The following SIM1 variants were observed in gnomAD, a reference collection of about 807,000 sequenced individuals.
The protein encoded by SIM1 is single-minded homolog 1.
In SIM1, 18 loss-of-function variants were observed where a neutral mutation model predicts 78.2. The observed-to-expected ratio is 0.23, with a 90% CI of 0.16 to 0.34. SIM1 has a LOEUF of 0.34. SIM1 is among the 10% of genes least tolerant of loss of function. The pLI, the probability that SIM1 is intolerant of heterozygous loss-of-function variation, is 1.00. For synonymous variants in SIM1, 417 were observed against 385.2 expected (o/e 1.08, Z -0.97); for missense variants, 939 against 975.1 (o/e 0.96, Z 0.49).
intron 10 of SIM1, among the ~76,000 whole-genome samples, chr6:100,397,649 T>C (rs1328806555): frequency 6.7e-6 from 1 of 149,652 alleles, no homozygotes; most frequent in Non-Finnish European, 1.5e-5. Context: ...AAAAACACAA[T>C]CCATAAAAGA....
chr6:100,405,645 T>C (rs1345154654), intron 10 of SIM1, among the ~76,000 whole-genome samples: 4 of 152,214 alleles, frequency 2.6e-5, no homozygotes, highest in Non-Finnish European at 5.9e-5. Context: ...TTCTCTGATA[T>C]ATTTCATGAA....
At chr6:100,421,295 T>C (rs1248324286) in intron 9 of SIM1, among the ~76,000 whole-genome samples, 1 of 152,300 alleles carries the variant, frequency 6.6e-6, no homozygotes, top group African/African-American at 2.4e-5. Context: ...ACCAGATTAT[T>C]GGTAGCATGT....
rs965535215 is a variant in SIM1 at position 100,464,816 on chromosome 6, G to C, written c.-670C>G. 4 of 152,300 alleles carry C rather than the reference G, an allele frequency of 2.6e-5. No homozygotes were observed. Among genetic ancestry groups the C allele is most frequent in the African/African-American group, 9.7e-5 (4 of 41,448 alleles). The allele number at this position is 152,300 out of a possible 1,614,324, so 9.4% of individuals were successfully genotyped here. A position where few individuals can be genotyped will look rare whatever the true frequency, so the allele number is the denominator to read the frequency against. ...GAGGAGGATGCAAGCTTTGGGACGA[G>C]TGAGGTGATTTTAGAATCCTGGTCC... On this transcript the variant is annotated 5_prime_UTR_variant, in exon 1 of 12. Coordinates refer to ENST00000369208, the MANE Select transcript of SIM1 (RefSeq NM_005068.3).
chr6:100,449,499 G>A, intron 5 of SIM1, 51 bp from the exon 6 acceptor site: 3 of 1,581,222 alleles, frequency 1.9e-6, no homozygotes, highest in African/African-American at 2.7e-5. Context: ...CCGGCGGCGT[G>A]GGACAGCACG....
chr6:100,425,170 C>G (rs1159975165), intron 9 of SIM1, among the ~76,000 whole-genome samples: 1 of 152,132 alleles, frequency 6.6e-6, no homozygotes, highest in East Asian at 1.9e-4. Context: ...TTTCTCTTGC[C>G]ACTGCCATAC....
At chr6:100,414,801 C>A (rs1034806528) in intron 10 of SIM1, among the ~76,000 whole-genome samples, 2 of 152,194 alleles carry the variant, frequency 1.3e-5, no homozygotes, top group African/African-American at 4.8e-5. Flanking sequence ...GTCAGTCTCT[C>A]AGCATAGTAG....
At chr6:100,460,097 A>C (rs1297629312) in intron 2 of SIM1, among the ~76,000 whole-genome samples, 1 of 152,124 alleles carries the variant, frequency 6.6e-6, no homozygotes, top group African/African-American at 2.4e-5. Context: ...CTCCAATCTA[A>C]TGCTTTATTC....
rs141676791 is a variant in SIM1 at position 100,446,306 on chromosome 6, G to A, written c.998+962C>T. 2.4e-4 allele frequency among the ~76,000 whole-genome samples: 36 copies of A among 152,264 alleles called. 1 individual carries two copies. The highest frequency in any genetic ancestry group is 8.7e-4 in the African/African-American group (36 of 41,546). ...AGCACCCCTTCACCAACTTCCTAAT[G>A]TCTAAATAGCATTCTACTAAGTGCC... On this transcript the variant is annotated intron_variant, in intron 9 of 11. Transcript: ENST00000369208.
chr6:100,450,426 G>T, intron 3 of SIM1, 70 bp from the exon 4 acceptor site: 1 of 1,407,094 alleles, frequency 7.1e-7, no homozygotes. Flanking sequence ...CAGGAGGACA[G>T]AAGTTAGTGA....
At chr6:100,410,018 T>C (rs1290378623) in intron 10 of SIM1, among the ~76,000 whole-genome samples, 5 of 152,168 alleles carry the variant, frequency 3.3e-5, no homozygotes, top group African/African-American at 4.8e-5. Flanking sequence ...CTTGACCTTA[T>C]GGAAAAACAA....
chr6:100,440,059 G>C (rs763401803), intron 9 of SIM1, among the ~76,000 whole-genome samples: 2 of 152,156 alleles, frequency 1.3e-5, no homozygotes, highest in African/African-American at 2.4e-5. Flanking sequence ...AGAAAACAAT[G>C]AATTCTCTTT....
chr6:100,448,240 C>G lies in SIM1; in HGVS notation c.756G>C (p.Leu252=). ...TCAGGTCCTGAGGTTCGTACCCCGT[C>G]AGCTCCGCCACCCTGAGGAGAGCAA... The part of the protein sequence containing the change: ...LIFLDSRVAE[L]TGYEPQDLIE... Residue 252 remains leucine, a synonymous_variant, in exon 8 of 12, where the codon CTG becomes CTC. Transcript: ENST00000369208. The G allele has an allele frequency of 1.2e-6, 2 of 1,612,848 alleles. No homozygotes were observed. The highest frequency in any genetic ancestry group is 1.7e-6 in the Non-Finnish European group (2 of 1,179,566).
rs1394233787 is a variant in SIM1 at position 100,385,293 on chromosome 6, A to G, written c.*5068T>C. 6.6e-6 allele frequency: 1 copy of G among 152,040 alleles called. No homozygotes were observed. The highest frequency in any genetic ancestry group is 1.5e-5 in the Non-Finnish European group (1 of 67,946). The allele number at this position is 152,040 out of a possible 1,614,324, so 9.4% of individuals were successfully genotyped here. A position where few individuals can be genotyped will look rare whatever the true frequency, so the allele number is the denominator to read the frequency against. ...ATCAGTATCTTTTCTCACAAATATA[A>G]TCCTTTTTATAGCACATTAGTCAAA... On this transcript the variant is annotated 3_prime_UTR_variant, in exon 12 of 12. Transcript: ENST00000369208.
chr6:100,439,020 G>C (rs1039496731), intron 9 of SIM1, among the ~76,000 whole-genome samples: 2 of 152,050 alleles, frequency 1.3e-5, no homozygotes, highest in Non-Finnish European at 2.9e-5. Context: ...CCCTGCTTGG[G>C]TGATAGGTGC....
chr6:100,412,617 AAAGAAG>A (rs1562239691), intron 10 of SIM1, among the ~76,000 whole-genome samples: 8 of 105,626 alleles, frequency 7.6e-5, no homozygotes, highest in African/African-American at 2.7e-4. Flanking sequence ...GAAAGGAAAG[AAAGAAG>A]GAAAGAAAGA....
rs1260456470 is a variant in SIM1, at chr6:100,449,648, C to T, written c.400G>A (p.Asp134Asn). 6 of 1,613,986 alleles carry T rather than the reference C, an allele frequency of 3.7e-6. No homozygotes were observed. The highest frequency in any genetic ancestry group is 5.1e-6 in the Non-Finnish European group (6 of 1,180,048). The change falls in exon 5 of 12, where the codon GAC becomes AAC. Residue 134 changes from aspartate (D) to asparagine (N), a missense_variant. By Grantham distance (23) the Asp-to-Asn change is conservative. Transcript: ENST00000369208. Reference sequence around the variant, plus strand: ...GCGGTGAGCACCGCCGTCATCTCGTCGTGGTCTGCCGGGTGAATGTATTCA... The same window carrying T: ...GCGGTGAGCACCGCCGTCATCTCGTTGTGGTCTGCCGGGTGAATGTATTCA... ...IYEYIHPADH[D>N]EMTAVLTAHQ...
rs774538591 is a variant in SIM1, at chr6:100,393,543, C to G, written c.1514G>C (p.Ser505Thr). Reference protein sequence around the residue: ...ALPLTKASPESREAYENSMPH... With the variant: ...ALPLTKASPETREAYENSMPH... ...CATGCTGTTTTCATAGGCTTCTCTG[C>G]TTTCTGGGGAGGCCTTTGTCAGGGG... The change falls in exon 11 of 12, where the codon AGC becomes ACC. Residue 505 changes from serine to threonine, a missense_variant. Physicochemically the swap from Ser to Thr is moderately conservative, Grantham distance 58 (BLOSUM62 1). This residue lies in a region of SIM1 where 556 missense variants were observed against 521.9 expected (regional missense o/e 1.07). Coordinates refer to ENST00000369208, the MANE Select transcript of SIM1 (RefSeq NM_005068.3). 7.5e-6 allele frequency: 12 copies of G among 1,600,264 alleles called. No homozygotes were observed. The highest frequency in any genetic ancestry group is 8.5e-7 in the Non-Finnish European group (1 of 1,170,722).
chr6:100,457,044 C>T (rs1459501812), intron 2 of SIM1, among the ~76,000 whole-genome samples: 1 of 152,190 alleles, frequency 6.6e-6, no homozygotes, highest in East Asian at 1.9e-4. Flanking sequence ...CTAGTGTGAG[C>T]TCAAAGCATC....
intron 10 of SIM1, among the ~76,000 whole-genome samples, chr6:100,403,937 G>A (rs1770990919): frequency 1.3e-5 from 2 of 152,026 alleles, no homozygotes; most frequent in Non-Finnish European, 2.9e-5. Context: ...AGTTTAAGAG[G>A]GGACATGTAA....
Sources: allele counts gnomAD v4.1 joint callset (sites outside exome capture counted in the v4.1 genomes callset), GRCh38; gene constraint gnomAD v4.1.1; regional missense constraint gnomAD v4.1.1; transcripts MANE v1.5; gene names NCBI Gene and HGNC (gene_info 2026-07-23, HGNC 2026-07-21).